The following GNAO1 variants were observed in gnomAD, a reference collection of about 807,000 sequenced individuals.
GNAO1 encodes the protein guanine nucleotide-binding protein G(o) subunit alpha.
For synonymous variants in GNAO1, 164 were observed against 180.7 expected (o/e 0.91, Z 0.74); for missense variants, 166 against 478.7 (o/e 0.35, Z 6.10).
intron 2 of GNAO1, among the ~76,000 whole-genome samples, chr16:56,257,486 A>G (rs2036863047): frequency 1.3e-5 from 2 of 152,174 alleles, no homozygotes; most frequent in African/African-American, 2.4e-5. Context: ...AAGTGCAAAC[A>G]TGGACCGTGG....
intron 2 of GNAO1, among the ~76,000 whole-genome samples, chr16:56,199,089 A>G (rs1324719462): frequency 6.6e-6 from 1 of 152,204 alleles, no homozygotes; most frequent in African/African-American, 2.4e-5. Flanking sequence ...CCTGTTGTCA[A>G]CGGTGTATGA....
rs75275545 is a variant in GNAO1, at chr16:56,219,361, G to T, written c.161+26745G>T. On this transcript the variant is annotated intron_variant, in intron 2 of 8. Transcript: ENST00000262493. ...GCAAGACCCTAGGTCAGGGAGGAAGGTCCTGTGTGGCAAGAAAGCCTGTCA... is the reference window on the plus strand; with the variant it reads ...GCAAGACCCTAGGTCAGGGAGGAAGTTCCTGTGTGGCAAGAAAGCCTGTCA... Among the ~76,000 whole-genome samples the T allele has an allele frequency of 2.7e-3, 410 of 152,222 alleles. 5 individuals are homozygous for T. The highest frequency in any genetic ancestry group is 8.6e-3 in the Admixed American group (131 of 15,292).
At chr16:56,324,145 A>C (rs1285523305) in intron 3 of GNAO1, among the ~76,000 whole-genome samples, 1 of 152,174 alleles carries the variant, frequency 6.6e-6, no homozygotes, top group Admixed American at 6.5e-5. Flanking sequence ...ATGTCCCCAA[A>C]CTGTAGAATG....
At chr16:56,230,753 A>T (rs113327155) in intron 2 of GNAO1, among the ~76,000 whole-genome samples, 1 of 152,108 alleles carries the variant, frequency 6.6e-6, no homozygotes, top group Admixed American at 6.5e-5. Flanking sequence ...AGGTTTCTTC[A>T]TTCTTTGTGT....
intron 2 of GNAO1, among the ~76,000 whole-genome samples, chr16:56,234,850 C>A (rs1319159320): frequency 6.6e-6 from 1 of 151,636 alleles, no homozygotes; most frequent in Non-Finnish European, 1.5e-5. Flanking sequence ...CTACCTCTGT[C>A]CCCCTGGTCA....
chr16:56,263,532 G>A (rs1300704311), intron 2 of GNAO1, among the ~76,000 whole-genome samples: 1 of 152,140 alleles, frequency 6.6e-6, no homozygotes, highest in African/African-American at 2.4e-5. Context: ...GTAGGGAAGG[G>A]GCCGTAGTCA....
At chr16:56,281,686 C>T (rs2037116120) in intron 3 of GNAO1, among the ~76,000 whole-genome samples, 1 of 152,180 alleles carries the variant, frequency 6.6e-6, no homozygotes, top group African/African-American at 2.4e-5. Flanking sequence ...CTCTCCCCCT[C>T]CTCCTTCCTC....
At chr16:56,268,345 G>A (rs1177435368) in intron 2 of GNAO1, among the ~76,000 whole-genome samples, 8 of 152,222 alleles carry the variant, frequency 5.3e-5, no homozygotes, top group Non-Finnish European at 7.3e-5. Flanking sequence ...CTTGGCACTA[G>A]CCTTATCTTA....
intron 2 of GNAO1, among the ~76,000 whole-genome samples, chr16:56,252,942 CATGCTGGAGCCAG>C (rs2036813213): frequency 6.6e-6 from 1 of 152,228 alleles, no homozygotes; most frequent in African/African-American, 2.4e-5. Context: ...AGGTGCCGTC[CATGCTGGAGCCAG>C]ATTCTGAGGC....
At chr16:56,245,929 G>A (rs1348477708) in intron 2 of GNAO1, among the ~76,000 whole-genome samples, 1 of 152,092 alleles carries the variant, frequency 6.6e-6, no homozygotes, top group East Asian at 1.9e-4. Flanking sequence ...GATTGGGTGT[G>A]TAGGGGGGTA....
intron 2 of GNAO1, among the ~76,000 whole-genome samples, chr16:56,273,789 C>T (rs2090178690): frequency 1.3e-5 from 2 of 152,186 alleles, no homozygotes; most frequent in South Asian, 4.1e-4. Flanking sequence ...AGCCTTCTGG[C>T]GTCTCTGCTG....
At chr16:56,200,869 T>A (rs1028135026) in intron 2 of GNAO1, among the ~76,000 whole-genome samples, 2 of 152,218 alleles carry the variant, frequency 1.3e-5, no homozygotes, top group African/African-American at 4.8e-5. Context: ...GAAATGATTT[T>A]TCATTACCGC....
At chr16:56,300,039 GCGCGCGCGCGCGCACGCACA>G (rs542372750) in intron 3 of GNAO1, among the ~76,000 whole-genome samples, 2,163 of 92,088 alleles carry the variant, frequency 0.023, 34 homozygotes, top group South Asian at 0.061. Context: ...GTGTGTGTGC[GCGCGCGCGCGCGCACGCACA>G]TGTGCTTGTG....
chr16:56,243,215 T>C (rs1392318730), intron 2 of GNAO1, among the ~76,000 whole-genome samples: 1 of 152,018 alleles, frequency 6.6e-6, no homozygotes, highest in Non-Finnish European at 1.5e-5. Context: ...AATGTAATAA[T>C]AATAGAAATA....
chr16:56,319,616 C>T (rs2037551996), intron 3 of GNAO1, among the ~76,000 whole-genome samples: 2 of 152,274 alleles, frequency 1.3e-5, no homozygotes. Context: ...CCAGCACACT[C>T]GTGACCAGCC....
intron 2 of GNAO1, among the ~76,000 whole-genome samples, chr16:56,220,093 A>G (rs2036470106): frequency 6.6e-6 from 1 of 152,172 alleles, no homozygotes; most frequent in African/African-American, 2.4e-5. Flanking sequence ...TTATTTTTGT[A>G]AAATCTCCCC....
intron 6 of GNAO1, among the ~76,000 whole-genome samples, chr16:56,350,401 G>A (rs2037909477): frequency 6.6e-6 from 1 of 152,142 alleles, no homozygotes; most frequent in Non-Finnish European, 1.5e-5. Flanking sequence ...GTGCAGAAAT[G>A]GATTCGTTCA....
At chr16:56,237,146 C>T (rs1386136212) in intron 2 of GNAO1, among the ~76,000 whole-genome samples, 1 of 152,160 alleles carries the variant, frequency 6.6e-6, no homozygotes, top group Non-Finnish European at 1.5e-5. Context: ...CTTTTGTTTT[C>T]AGGTAAGTCT....
intron 3 of GNAO1, among the ~76,000 whole-genome samples, chr16:56,281,343 C>T (rs1382699880): frequency 6.6e-6 from 1 of 152,148 alleles, no homozygotes; most frequent in African/African-American, 2.4e-5. Flanking sequence ...ACATCCTCTC[C>T]TGCCTCCCAC....
Sources: gnomAD v4.1 joint callset for allele counts (sites outside exome capture counted in the v4.1 genomes callset) on GRCh38, gnomAD v4.1.1 for gene constraint, MANE v1.5 for transcripts, NCBI Gene and HGNC (gene_info 2026-07-23, HGNC 2026-07-21) for gene names.